Variants in DES observed in about 807,000 individuals in gnomAD.
DES encodes the protein desmin.
A neutral mutation model predicts 55.1 loss-of-function variants in DES; 34 were observed. That is an observed-to-expected ratio of 0.62 (90% CI 0.47 to 0.82). DES has a LOEUF of 0.82. Among genes scored for constraint, DES ranks in the 40% least tolerant of loss-of-function variants. The probability of loss-of-function intolerance (pLI) is 0.00; values close to 1 mark genes in which losing one functional copy is unlikely to be tolerated. For synonymous variants in DES, 259 were observed against 270.8 expected, an observed-to-expected ratio of 0.96 and a Z score of 0.43; for missense variants, 596 against 645.9, an observed-to-expected ratio of 0.92 and a Z score of 0.84.
At chr2:219,422,482 T>TTTTTTTTTTTTTTTTTTA in intron 6 of DES, among the ~76,000 whole-genome samples, 1 of 148,762 alleles carries the variant, frequency 6.7e-6, no homozygotes, top group Non-Finnish European at 1.5e-5. Context: ...TTTTTTTTTT[T>TTTTTTTTTTTTTTTTTTA]GAGACAGAGT....
intron 6 of DES, among the ~76,000 whole-genome samples, chr2:219,422,550 T>C (rs1426676413): frequency 6.9e-6 from 1 of 143,938 alleles, no homozygotes; most frequent in Non-Finnish European, 1.5e-5. Flanking sequence ...CTGCAACCTC[T>C]GCCTCCCAGG....
In DES at chr2:219,418,505, C is replaced by T. The variant is rs756390565; in HGVS notation, c.43C>T (p.Arg15Cys). 1.9e-6 allele frequency: 3 copies of T among 1,603,160 alleles called. No individual in the cohort carries two copies. In the South Asian group the frequency reaches 3.3e-5, roughly 18 times the overall value. ...YSSSQRVSSY[R>C]RTFGGAPGFP... Reference sequence around the variant, plus strand: ...GTCCAGCCAGCGCGTGTCCTCCTACCGCCGCACCTTCGGCGGGGCCCCGGG... The same window carrying T: ...GTCCAGCCAGCGCGTGTCCTCCTACTGCCGCACCTTCGGCGGGGCCCCGGG... Residue 15 changes from arginine (R) to cysteine (C), a missense_variant, in exon 1 of 9, where the codon CGC becomes TGC. Coordinates refer to ENST00000373960, the MANE Select transcript of DES (RefSeq NM_001927.4).
In DES at chr2:219,419,521, G is replaced by C. The variant is rs1398151928; in HGVS notation, c.578+481G>C. On this transcript the variant is annotated intron_variant, in intron 1 of 8. Transcript: ENST00000373960. This position sits in a 1 kb window ranked among gnomAD's most constrained non-coding sequence, Gnocchi z 4.3. ...CTGTGATGAGGCCCTGGGGGAGGTG[G>C]GGGGAGGGGGGAGCTTGGCCCTGGG... 6.6e-6 allele frequency among the ~76,000 whole-genome samples: 1 copy of C among 152,066 alleles called. No homozygotes were observed. The highest frequency in any genetic ancestry group is 1.5e-5 in the Non-Finnish European group (1 of 67,994).
In DES at chr2:219,423,725, G is replaced by A. The variant is rs1056887883; in HGVS notation, c.1245-52G>A. ...AAGTGCTGGGATTACAGCTGGGCCC[G>A]GCCGATGGGAGGGTTCTTAACTCTT... On this transcript the variant is annotated intron_variant, in intron 6 of 8. Coordinates refer to ENST00000373960, the MANE Select transcript of DES (RefSeq NM_001927.4). 9.4e-6 allele frequency: 15 copies of A among 1,588,870 alleles called. No homozygotes were observed. The East Asian group carries it at 1.6e-4, about 17-fold the overall frequency.
rs761302314 is a variant in DES, at chr2:219,418,721, G to T, written c.259G>T (p.Glu87Ter). ...TRTPSSYGAG[E>*]LLDFSLADAV... ...CACGCCCTCCTCCTACGGCGCAGGC[G>T]AGCTGCTGGACTTCTCACTGGCCGA... is the stretch of plus-strand genomic sequence containing the variant. Residue 87 changes from glutamate (E) to a stop codon, truncating the protein, a stop_gained, in exon 1 of 9, where the codon GAG becomes TAG. Coordinates refer to ENST00000373960, the MANE Select transcript of DES (RefSeq NM_001927.4). LOFTEE classifies it high-confidence loss of function. 1.3e-6 allele frequency: 2 copies of T among 1,563,072 alleles called. No individual in the cohort carries two copies. The highest frequency in any genetic ancestry group is 1.7e-6 in the Non-Finnish European group (2 of 1,153,374).
intron 8 of DES, 101 bp downstream of exon 8, chr2:219,425,846 TG>T: frequency 6.3e-7 from 1 of 1,599,658 alleles, no homozygotes; most frequent in Middle Eastern, 1.7e-4. Context: ...CCCTGGCTAG[TG>T]GGGCAAGAGA....
At position 219,425,934 on chromosome 2, in the gene DES, T is replaced by A. The variant is rs202245617; in HGVS notation, c.1372-15T>A. ...GGCTAGCACATGGTTGGACTGGGCT[T>A]CTCTTCCTCCCCAGGTCGTCAGTGA... is the stretch of plus-strand genomic sequence containing the variant. On this transcript the variant is annotated splice_polypyrimidine_tract_variant and intron_variant, in intron 8 of 8. Coordinates refer to ENST00000373960, the MANE Select transcript of DES (RefSeq NM_001927.4). 6.8e-6 allele frequency: 11 copies of A among 1,613,872 alleles called. No homozygotes were observed. Among genetic ancestry groups the A allele is most frequent in the Non-Finnish European group, 9.3e-6 (11 of 1,179,932 alleles).
At position 219,418,493 on chromosome 2, in the gene DES, G is replaced by T; in HGVS notation, c.31G>T (p.Val11Leu). Residue 11 changes from valine (V) to leucine (L), a missense_variant, in exon 1 of 9, where the codon GTG (valine) becomes TTG (leucine). By Grantham distance (32) the Val-to-Leu change is conservative (BLOSUM62 1). Transcript: ENST00000373960. MSQAYSSSQRVSSYRRTFGGA... is the reference protein window; with the variant it reads MSQAYSSSQRLSSYRRTFGGA... Reference sequence around the variant, plus strand: ...CCAGGCCTACTCGTCCAGCCAGCGCGTGTCCTCCTACCGCCGCACCTTCGG... The same window carrying T: ...CCAGGCCTACTCGTCCAGCCAGCGCTTGTCCTCCTACCGCCGCACCTTCGG... 6.2e-7 allele frequency: 1 copy of T among 1,601,258 alleles called. No homozygotes were observed. Among genetic ancestry groups the T allele is most frequent in the Non-Finnish European group, 8.5e-7 (1 of 1,176,972 alleles).
In DES at chr2:219,418,686, G is replaced by A. The variant is rs758281008; in HGVS notation, c.224G>A (p.Gly75Glu). Residue 75 changes from glycine to glutamate, a missense_variant, in exon 1 of 9, where the codon GGG becomes GAG. Physicochemically the swap from Gly to Glu is moderately conservative, Grantham distance 98 (BLOSUM62 -2). Transcript: ENST00000373960. Reference sequence around the variant, plus strand: ...GGGTCGCTGCGGGCCAGCCGGCTGGGGACCACCCGCACGCCCTCCTCCTAC... The same window carrying A: ...GGGTCGCTGCGGGCCAGCCGGCTGGAGACCACCCGCACGCCCTCCTCCTAC... ...GLGSLRASRLGTTRTPSSYGA... is the reference protein window; with the variant it reads ...GLGSLRASRLETTRTPSSYGA... 1.3e-6 allele frequency: 2 copies of A among 1,573,722 alleles called. No individual in the cohort carries two copies. The highest frequency in any genetic ancestry group is 1.7e-6 in the Non-Finnish European group (2 of 1,159,844).
Position 219,418,404 on chromosome 2 carries a change from G to A in DES, c.-59G>A. 1 of 1,506,308 alleles carries A rather than the reference G, an allele frequency of 6.6e-7. No homozygotes were observed. Among genetic ancestry groups the A allele is most frequent in the Non-Finnish European group, 8.8e-7 (1 of 1,132,982 alleles). 93.3% of individuals were successfully genotyped at this position (1,506,308 alleles called of 1,614,324 possible). ...CTCCCCTCGCCGCATCCACTCTCCG[G>A]CCGGCCGCCTGCCCGCCGCCTCCTC... is the stretch of plus-strand genomic sequence containing the variant. On this transcript the variant is annotated 5_prime_UTR_variant, in exon 1 of 9. Coordinates refer to ENST00000373960, the MANE Select transcript of DES (RefSeq NM_001927.4).
chr2:219,423,691 G>T, intron 6 of DES, 86 bp from the exon 7 acceptor site: 1 of 1,340,600 alleles, frequency 7.5e-7, no homozygotes, highest in South Asian at 1.2e-5. Flanking sequence ...CGCCCGCCTC[G>T]GCCTTTCAAA....
chr2:219,420,967 C>A lies in DES; in HGVS notation c.1023+14C>A. ...CTGAAGGGCACTGTGAGTCCCTGCC[C>A]ACCTGGCCAGGCCCTGCCCCTTCCT... On this transcript the variant is annotated intron_variant, in intron 5 of 8. Transcript: ENST00000373960. This position sits in a 1 kb window ranked among gnomAD's most constrained non-coding sequence, Gnocchi z 6.0. 6.2e-7 allele frequency: 1 copy of A among 1,612,114 alleles called. No individual in the cohort carries two copies. Among genetic ancestry groups the A allele is most frequent in the East Asian group, 2.2e-5 (1 of 44,790 alleles).
Position 219,418,380 on chromosome 2 carries a change from T to TCC in DES, c.-80_-79dup. 7.3e-7 allele frequency: 1 copy of TCC among 1,377,032 alleles called. No homozygotes were observed. The highest frequency in any genetic ancestry group is 9.7e-7 in the Non-Finnish European group (1 of 1,033,542). 85.3% of individuals were successfully genotyped at this position (1,377,032 alleles called of 1,614,324 possible). A position where few individuals can be genotyped will look rare whatever the true frequency, so the allele number is the denominator to read the frequency against. ...AGTGCCGACGGCTGGGGGCCCTGTC[T>TCC]CCCCTCGCCGCATCCACTCTCCGGC... is the stretch of plus-strand genomic sequence containing the variant. On this transcript the variant is annotated 5_prime_UTR_variant, in exon 1 of 9. Coordinates refer to ENST00000373960, the MANE Select transcript of DES (RefSeq NM_001927.4).
intron 6 of DES, 82 bp downstream of exon 6, chr2:219,421,642 T>C (rs1954447192): frequency 7.6e-7 from 1 of 1,320,164 alleles, no homozygotes; most frequent in African/African-American, 1.5e-5. Flanking sequence ...TCGAGATTAC[T>C]GATTACCTCA....
In DES at chr2:219,420,325, C is replaced by T. The variant is rs780896752; in HGVS notation, c.714C>T (p.Phe238=). ...RIESLNEEIA[F]LKKVHEEEIR... ...AATCTCTCAACGAGGAGATCGCGTT[C>T]CTTAAGAAAGTGCATGAAGAGGTAT... Residue 238 remains phenylalanine (F), a synonymous_variant, in exon 3 of 9, where the codon TTC becomes TTT. Coordinates refer to ENST00000373960, the MANE Select transcript of DES (RefSeq NM_001927.4). This position sits in a 1 kb window ranked among gnomAD's most constrained non-coding sequence, Gnocchi z 6.0. The T allele has an allele frequency of 1.9e-6, 3 of 1,614,124 alleles. No individual in the cohort carries two copies. The East Asian group carries it at 6.7e-5, about 36-fold the overall frequency.
rs1559352868 is a variant in DES at position 219,420,357 on chromosome 2, G to A, written c.735+11G>A. 6.2e-6 allele frequency: 10 copies of A among 1,613,370 alleles called. No individual in the cohort carries two copies. The East Asian group carries it at 2.0e-4, about 32-fold the overall frequency. On this transcript the variant is annotated intron_variant, in intron 3 of 8. Coordinates refer to ENST00000373960, the MANE Select transcript of DES (RefSeq NM_001927.4). This position sits in a 1 kb window ranked among gnomAD's most constrained non-coding sequence, Gnocchi z 6.0. ...AAAGTGCATGAAGAGGTATACCTTG[G>A]CCCCTCTTCCTGGGGTCACTGGGCC... is the stretch of plus-strand genomic sequence containing the variant.
At chr2:219,421,669 A>T (rs958151935) in intron 6 of DES, 109 bp downstream of exon 6, 60 of 826,826 alleles carry the variant, frequency 7.3e-5, no homozygotes, top group African/African-American at 9.0e-5. Context: ...CCTGGAAACA[A>T]TTTTTTTTTT....
In DES at chr2:219,420,768, G is replaced by C. The variant is rs1452117993; in HGVS notation, c.898-60G>C. The C allele has an allele frequency of 6.2e-7, 1 of 1,613,406 alleles. No homozygotes were observed. Among genetic ancestry groups the C allele is most frequent in the African/African-American group, 1.3e-5 (1 of 74,874 alleles). ...GAGCCCAGAGGCTTCATGCTCCCTT[G>C]CTCATCCCTACCCGTGCCCTGCATC... On this transcript the variant is annotated intron_variant, in intron 4 of 8. Coordinates refer to ENST00000373960, the MANE Select transcript of DES (RefSeq NM_001927.4). The surrounding 1 kb of genome is among the most constrained non-coding windows in gnomAD (Gnocchi z 6.0).
intron 7 of DES, among the ~76,000 whole-genome samples, chr2:219,424,160 T>C (rs527397376): frequency 1.3e-5 from 2 of 152,190 alleles, no homozygotes; most frequent in Non-Finnish European, 2.9e-5. Flanking sequence ...TTCAGGAGCA[T>C]CTCATACCAC....
Sources: allele counts gnomAD v4.1 joint callset (sites outside exome capture counted in the v4.1 genomes callset), GRCh38; gene constraint gnomAD v4.1.1; non-coding constraint Gnocchi (gnomAD v3.1); transcripts MANE v1.5; gene names NCBI Gene and HGNC (gene_info 2026-07-23, HGNC 2026-07-21).